RBFOX1: variants seen among roughly 807,000 people sequenced by gnomAD.
RBFOX1 encodes the protein RNA binding fox-1 homolog 1, also known as RNA binding protein fox-1 homolog 1.
In RBFOX1, 8 loss-of-function variants were observed where a neutral mutation model predicts 57.7. The ratio of observed to expected loss-of-function variants is 0.14; its 90% CI spans 0.08 to 0.25. The LOEUF (loss-of-function observed/expected upper bound fraction) is 0.25, where lower values mean the gene tolerates loss of function less well. Among genes scored for constraint, RBFOX1 ranks in the 10% least tolerant of loss-of-function variants. RBFOX1 has a pLI of 1.00. For synonymous variants in RBFOX1, 326 were observed against 222.4 expected, an observed-to-expected ratio of 1.47 and a Z score of -4.15; for missense variants, 611 against 548.5, an observed-to-expected ratio of 1.11 and a Z score of -1.14.
chr16:5,739,754 A>G (rs986037454), intron 3 of RBFOX1, among the ~76,000 whole-genome samples: 3 of 152,378 alleles, frequency 2.0e-5, no homozygotes, highest in South Asian at 2.1e-4. Context: ...AGAAGCAGAG[A>G]GCAGGGAAAA....
chr16:6,920,180 T>G lies in RBFOX1; in HGVS notation c.-15-131877T>G, dbSNP rs543994263. On this transcript the variant is annotated intron_variant, in intron 3 of 15. Transcript: ENST00000550418. ...GTATTTTCTTTATCCACTCATTGGTTGATGGGCATTGAGTTTGGTTCCTTA... is the reference window on the plus strand; with the variant it reads ...GTATTTTCTTTATCCACTCATTGGTGGATGGGCATTGAGTTTGGTTCCTTA... Among the ~76,000 whole-genome samples, 5 of 152,318 alleles carry G rather than the reference T, an allele frequency of 3.3e-5. No individual in the cohort carries two copies. The South Asian group carries it at 1.0e-3, about 32-fold the overall frequency.
intron 2 of RBFOX1, among the ~76,000 whole-genome samples, chr16:6,520,392 G>A (rs1453671652): frequency 2.8e-4 from 43 of 152,094 alleles, no homozygotes; most frequent in Non-Finnish European, 1.5e-5. Context: ...TGTGTTTTAA[G>A]AAATGTTACA....
chr16:7,403,955 G>A (rs994685636), intron 4 of RBFOX1, among the ~76,000 whole-genome samples: 3 of 149,912 alleles, frequency 2.0e-5, no homozygotes, highest in Admixed American at 1.3e-4. Flanking sequence ...ATTTGTTAAT[G>A]GGTGCTTAAG....
At chr16:7,608,555 T>A (rs1469853822) in intron 10 of RBFOX1, among the ~76,000 whole-genome samples, 1 of 152,160 alleles carries the variant, frequency 6.6e-6, no homozygotes, top group Non-Finnish European at 1.5e-5. Flanking sequence ...ATGATCATAT[T>A]GCAAACCCTA....
At chr16:5,349,875 C>T (rs969411255) in intron 1 of RBFOX1, among the ~76,000 whole-genome samples, 9 of 152,228 alleles carry the variant, frequency 5.9e-5, no homozygotes, top group African/African-American at 2.2e-4. Context: ...GTCTCTCTCC[C>T]TGGCCAGGAA....
At chr16:6,450,775 A>ATATACATATATATG (rs1567302687) in intron 2 of RBFOX1, among the ~76,000 whole-genome samples, 18 of 35,204 alleles carry the variant, frequency 5.1e-4, no homozygotes, top group African/African-American at 2.6e-3. Flanking sequence ...GTGTATATAT[A>ATATACATATATATG]TATATATATA....
chr16:6,388,681 A>G (rs779302166), intron 2 of RBFOX1, among the ~76,000 whole-genome samples: 3 of 152,160 alleles, frequency 2.0e-5, no homozygotes, highest in Non-Finnish European at 4.4e-5. Flanking sequence ...TTGAGGCTGC[A>G]GGGAGCTATG....
chr16:5,833,325 C>G (rs548011913), intron 3 of RBFOX1, among the ~76,000 whole-genome samples: 13 of 151,974 alleles, frequency 8.6e-5, no homozygotes, highest in African/African-American at 2.7e-4. Flanking sequence ...AACCCCATCT[C>G]TACTAAAAAT....
At chr16:5,811,978 G>C (rs954087725) in intron 3 of RBFOX1, among the ~76,000 whole-genome samples, 2 of 152,122 alleles carry the variant, frequency 1.3e-5, no homozygotes, top group African/African-American at 4.8e-5. Flanking sequence ...GGAAATGACT[G>C]ATCTGATTTC....
intron 1 of RBFOX1, among the ~76,000 whole-genome samples, chr16:5,261,471 C>T (rs2062729976): frequency 6.6e-6 from 1 of 150,830 alleles, no homozygotes; most frequent in African/African-American, 2.4e-5. Flanking sequence ...ATTTAGTTGG[C>T]TATAAAATTC....
Position 6,435,302 on chromosome 16 carries a change from G to GTTTTGTTTTTGTTTTTGT in RBFOX1, c.-64+118262_-64+118263insTTTTTGTTTTTGTTTTTG, listed in dbSNP as rs6145736. 3.2e-3 allele frequency among the ~76,000 whole-genome samples: 488 copies of GTTTTGTTTTTGTTTTTGT among 151,386 alleles called. 6 individuals carry two copies. The highest frequency in any genetic ancestry group is 0.011 in the African/African-American group (462 of 41,158). ...ATTGTTGTTATTGTTGTTGTTTTTT[G>GTTTTGTTTTTGTTTTTGT]TTTTGTTTTTGTTTTTGAGACAGTG... is the stretch of plus-strand genomic sequence containing the variant. On this transcript the variant is annotated intron_variant, in intron 2 of 15. Coordinates refer to ENST00000550418, the MANE Select transcript of RBFOX1 (RefSeq NM_018723.4).
intron 3 of RBFOX1, among the ~76,000 whole-genome samples, chr16:6,888,537 C>G (rs2064676689): frequency 6.6e-6 from 1 of 152,082 alleles, no homozygotes; most frequent in African/African-American, 2.4e-5. Flanking sequence ...TTTATCTCCA[C>G]ATTGTTTTTA....
chr16:5,506,668 G>A (rs2043390433), intron 2 of RBFOX1, among the ~76,000 whole-genome samples: 1 of 152,074 alleles, frequency 6.6e-6, no homozygotes. Flanking sequence ...GCTATAGACT[G>A]GAGATGACGC....
chr16:6,493,687 C>G (rs1236997906), intron 2 of RBFOX1, among the ~76,000 whole-genome samples: 2 of 152,130 alleles, frequency 1.3e-5, no homozygotes, highest in Non-Finnish European at 2.9e-5. Flanking sequence ...ATTTTTATCT[C>G]AAACTGAACT....
intron 4 of RBFOX1, among the ~76,000 whole-genome samples, chr16:7,173,069 A>G (rs928802927): frequency 1.6e-4 from 24 of 152,192 alleles, no homozygotes; most frequent in African/African-American, 5.8e-4. Flanking sequence ...ACAAGTAGAA[A>G]AGAATATGAG....
At chr16:5,773,949 C>G (rs1033512220) in intron 3 of RBFOX1, among the ~76,000 whole-genome samples, 4 of 152,118 alleles carry the variant, frequency 2.6e-5, no homozygotes, top group African/African-American at 9.7e-5. Context: ...GCCTCAGCCT[C>G]CCAAAGTGCT....
intron 4 of RBFOX1, among the ~76,000 whole-genome samples, chr16:7,200,642 G>C (rs7187898): frequency 0.074 from 11,198 of 152,268 alleles, 568 homozygotes; most frequent in Non-Finnish European, 0.11. Flanking sequence ...AAGGAATAGA[G>C]TGCTTGGAAA....
intron 1 of RBFOX1, among the ~76,000 whole-genome samples, chr16:5,328,306 C>G (rs1488197212): frequency 6.6e-6 from 1 of 152,148 alleles, no homozygotes; most frequent in Non-Finnish European, 1.5e-5. Context: ...CACGAAGAGA[C>G]TGCAAGGATG....
intron 3 of RBFOX1, among the ~76,000 whole-genome samples, chr16:5,826,185 T>C (rs2151815696): frequency 6.7e-6 from 1 of 149,300 alleles, no homozygotes; most frequent in East Asian, 2.0e-4. Flanking sequence ...TGTTATATAA[T>C]ATTTCTTATA....
Sources: allele counts gnomAD v4.1 joint callset (sites outside exome capture counted in the v4.1 genomes callset), GRCh38; gene constraint gnomAD v4.1.1; transcripts MANE v1.5; gene names NCBI Gene and HGNC (gene_info 2026-07-23, HGNC 2026-07-21).